TENM1: variants seen among roughly 807,000 people sequenced by gnomAD.
The protein encoded by TENM1 is teneurin-1.
TENM1 carries 35 observed loss-of-function variants against 174.8 expected under a neutral mutation model. That is an observed-to-expected ratio of 0.20 (90% confidence interval 0.15 to 0.27). The LOEUF is 0.27. Ranked by LOEUF, TENM1 falls within the 10% of genes least tolerant of loss-of-function variation. TENM1 has a pLI of 1.00. For missense variants in TENM1, 1,633 were observed against 2,130.1 expected (o/e 0.77, Z 4.59); for synonymous variants, 781 against 798.7 (o/e 0.98, Z 0.37).
intron 3 of TENM1, among the ~76,000 whole-genome samples, chrX:124,890,111 T>C (rs1202018959): frequency 4.5e-4 from 51 of 112,631 alleles, no homozygotes. Flanking sequence ...TTGCAATTTA[T>C]ATTTTATTAA....
chrX:125,152,198 T>C, the TENM1 span, among the ~76,000 whole-genome samples: 1 of 106,452 alleles, frequency 9.4e-6, no homozygotes, highest in African/African-American at 3.5e-5. Flanking sequence ...GAGGTTGCAG[T>C]GAGATTGCAC....
intron 3 of TENM1, among the ~76,000 whole-genome samples, chrX:124,831,158 C>T (rs932141657): frequency 2.7e-5 from 3 of 111,260 alleles, no homozygotes; most frequent in African/African-American, 9.8e-5. Context: ...TTTAGTTTCA[C>T]AACCCACTGC....
chrX:124,560,089 A>G (rs1268383854), intron 14 of TENM1, among the ~76,000 whole-genome samples: 1 of 110,880 alleles, frequency 9.0e-6, no homozygotes, highest in Non-Finnish European at 1.9e-5. Flanking sequence ...TAAATAGTTT[A>G]TCAGTGGATC....
chrX:125,158,152 C>T, the TENM1 span, among the ~76,000 whole-genome samples: 1 of 110,032 alleles, frequency 9.1e-6, no homozygotes, highest in Non-Finnish European at 1.9e-5. Context: ...TGCCTGTAAT[C>T]CCAGAACTTT....
intron 23 of TENM1, among the ~76,000 whole-genome samples, chrX:124,441,641 T>C (rs765383655): frequency 5.3e-4 from 59 of 112,206 alleles, no homozygotes; most frequent in African/African-American, 1.7e-3. Flanking sequence ...AAAACATTGC[T>C]GATTTAGGAT....
the TENM1 span, among the ~76,000 whole-genome samples, chrX:125,060,191 A>T: frequency 0.02 from 1,831 of 89,559 alleles, 44 homozygotes; most frequent in African/African-American, 0.14. Context: ...TCACACACAC[A>T]CACACACACA....
Position 124,799,399 on chromosome X carries a change from G to C in TENM1, c.536-62202C>G, listed in dbSNP as rs979223696. Reference sequence around the variant, plus strand: ...AGTGGTCTGTGGTTCTCCTTGAAGAGGTCCTTCACATTCCTAGCTAGCTGT... The same window carrying C: ...AGTGGTCTGTGGTTCTCCTTGAAGACGTCCTTCACATTCCTAGCTAGCTGT... On this transcript the variant is annotated intron_variant, in intron 3 of 31. Transcript: ENST00000422452. 4.5e-5 allele frequency among the ~76,000 whole-genome samples: 5 copies of C among 110,574 alleles called. No homozygotes were observed. In the Admixed American group the frequency reaches 4.8e-4, roughly 11 times the overall value.
At chrX:124,651,010 A>C (rs936043087) in intron 8 of TENM1, among the ~76,000 whole-genome samples, 6 of 112,317 alleles carry the variant, frequency 5.3e-5, no homozygotes, top group Non-Finnish European at 1.1e-4. Flanking sequence ...TATCTATTAA[A>C]GTCAACACAT....
At chrX:124,645,361 T>C in intron 9 of TENM1, 24 bp from the exon 13 acceptor site, 1 of 1,182,919 alleles carries the variant, frequency 8.5e-7, no homozygotes, top group Non-Finnish European at 1.1e-6. Context: ...AATGAACTTG[T>C]AATGTTCTCA....
At chrX:124,720,822 A>G (rs2053293332) in intron 4 of TENM1, among the ~76,000 whole-genome samples, 1 of 112,023 alleles carries the variant, frequency 8.9e-6, no homozygotes, top group African/African-American at 3.2e-5. Flanking sequence ...ACAGAAAGGG[A>G]AGTGTGGTGT....
chrX:124,509,069 CAAAT>C (rs2047518479), intron 18 of TENM1, among the ~76,000 whole-genome samples: 2 of 101,493 alleles, frequency 2.0e-5, no homozygotes, highest in Non-Finnish European at 4.0e-5. Flanking sequence ...AAAAGTAAAA[CAAAT>C]AACACACACA....
intron 22 of TENM1, among the ~76,000 whole-genome samples, chrX:124,455,096 A>G (rs748768385): frequency 5.3e-5 from 6 of 112,251 alleles, no homozygotes; most frequent in Admixed American, 9.5e-5. Flanking sequence ...TTTATGGTAT[A>G]CTTTGATTAA....
At chrX:124,399,452 T>G (rs2060375409) in intron 27 of TENM1, among the ~76,000 whole-genome samples, 2 of 111,710 alleles carry the variant, frequency 1.8e-5, no homozygotes, top group South Asian at 7.5e-4. Flanking sequence ...TCATACTCAT[T>G]TTTCTCACCC....
intron 4 of TENM1, among the ~76,000 whole-genome samples, chrX:124,710,835 C>T (rs375460986): frequency 3.6e-5 from 4 of 111,931 alleles, no homozygotes; most frequent in South Asian, 3.7e-4. Context: ...ATGCAAATGA[C>T]GTGTTTTGTC....
At chrX:124,800,813 A>T (rs141136899) in intron 3 of TENM1, among the ~76,000 whole-genome samples, 1,553 of 111,701 alleles carry the variant, frequency 0.014, 31 homozygotes, top group African/African-American at 0.048. Flanking sequence ...TTGTTCTAAT[A>T]GGTTTCACAG....
the TENM1 span, among the ~76,000 whole-genome samples, chrX:125,191,850 C>T: frequency 5.4e-5 from 6 of 111,280 alleles, no homozygotes; most frequent in African/African-American, 9.8e-5. Flanking sequence ...TATTAAGAGG[C>T]AGGACCTTTT....
chrX:125,109,164 G>A, the TENM1 span, among the ~76,000 whole-genome samples: 1 of 109,558 alleles, frequency 9.1e-6, no homozygotes, highest in Non-Finnish European at 1.9e-5. Context: ...TTCCCTTCAT[G>A]TGTCTACATG....
the TENM1 span, among the ~76,000 whole-genome samples, chrX:125,124,204 T>TTA: frequency 8.9e-6 from 1 of 112,654 alleles, no homozygotes; most frequent in Non-Finnish European, 1.9e-5. Flanking sequence ...TTAAAAGGGC[T>TTA]TATCTATGTG....
intron 20 of TENM1, among the ~76,000 whole-genome samples, chrX:124,488,251 G>C (rs1360897338): frequency 1.8e-5 from 2 of 112,242 alleles, no homozygotes; most frequent in East Asian, 2.8e-4. Context: ...TGTGAAATAC[G>C]ATCATTTTAA....
Sources: gnomAD v4.1 joint callset for allele counts (sites outside exome capture counted in the v4.1 genomes callset) on GRCh38, gnomAD v4.1.1 for gene constraint, MANE v1.5 for transcripts, NCBI Gene and HGNC (gene_info 2026-07-23, HGNC 2026-07-21) for gene names.